Variants in SMAD2 observed in about 807,000 individuals in gnomAD.
SMAD2 encodes MAD homolog 2.
SMAD2 carries 8 observed loss-of-function variants against 64.4 expected under a neutral mutation model. The observed-to-expected ratio is 0.12, with a 90% CI of 0.07 to 0.22. The LOEUF (loss-of-function observed/expected upper bound fraction) is 0.22, where lower values mean the gene tolerates loss of function less well. Ranked by LOEUF, SMAD2 falls within the 10% of genes least tolerant of loss-of-function variation. SMAD2 has a pLI of 1.00. For missense variants in SMAD2, 289 were observed against 561.2 expected (o/e 0.51, Z 4.90); for synonymous variants, 203 against 195.8 (o/e 1.04, Z -0.31).
chr18:47,851,877 A>T (rs1043362979), intron 6 of SMAD2, among the ~76,000 whole-genome samples: 1 of 152,168 alleles, frequency 6.6e-6, no homozygotes, highest in Non-Finnish European at 1.5e-5. Context: ...CACGCTTCCA[A>T]TCACATCTGA....
intron 1 of SMAD2, among the ~76,000 whole-genome samples, chr18:47,899,119 T>C (rs1349479822): frequency 2.6e-5 from 4 of 152,060 alleles, no homozygotes; most frequent in Admixed American, 6.6e-5. Context: ...ATTAGGGACA[T>C]AGAAGGAACA....
chr18:47,896,555 G>C lies in SMAD2; in HGVS notation c.202C>G (p.Gln68Glu). The change falls in exon 2 of 11, where the codon CAA becomes GAA. Residue 68 changes from glutamine to glutamate, a missense_variant. Gln to Glu is a conservative substitution (Grantham distance 29). Transcript: ENST00000262160. The part of the protein sequence containing the change: ...LDELEKAITT[Q>E]NCNTKCVTIP... ...GTAACACATTTAGTATTACAGTTTT[G>C]AGTGGTGATGGCTTTCTCAAGCTCA... 6.2e-7 allele frequency: 1 copy of C among 1,614,112 alleles called. No individual in the cohort carries two copies. The highest frequency in any genetic ancestry group is 8.5e-7 in the Non-Finnish European group (1 of 1,180,010).
Position 47,821,987 on chromosome 18 carries a change from CT to C in SMAD2, c.*19839del, listed in dbSNP as rs1912590049. On this transcript the variant is annotated 3_prime_UTR_variant, in exon 11 of 11. Transcript: ENST00000262160. The stretch of plus-strand genomic sequence containing the variant: ...ACCTTTGAGTTTTCCACTTGGGCCT[CT>C]GGAAAGCCTCAGAGCATGTGTATGC... 1.3e-5 allele frequency: 2 copies of C among 152,296 alleles called. No homozygotes were observed. The highest frequency in any genetic ancestry group is 1.5e-5 in the Non-Finnish European group (1 of 68,026). The allele number at this position is 152,296 out of a possible 1,614,324, so 9.4% of individuals were successfully genotyped here.
At chr18:47,892,754 C>T (rs2033257717) in intron 2 of SMAD2, among the ~76,000 whole-genome samples, 1 of 152,088 alleles carries the variant, frequency 6.6e-6, no homozygotes, top group Non-Finnish European at 1.5e-5. Context: ...AAACAAACAT[C>T]AGGAATCTTT....
At chr18:47,925,466 A>G (rs1010011439) in intron 1 of SMAD2, among the ~76,000 whole-genome samples, 3 of 152,226 alleles carry the variant, frequency 2.0e-5, no homozygotes, top group African/African-American at 7.2e-5. Flanking sequence ...ATTTCTGGCT[A>G]TCTGACCAAA....
intron 1 of SMAD2, 91 bp from the exon 2 acceptor site, chr18:47,896,900 G>A: frequency 8.2e-7 from 1 of 1,221,092 alleles, no homozygotes; most frequent in Non-Finnish European, 1.2e-6. Flanking sequence ...TGCAAAGCAA[G>A]ATAGAAATTC....
chr18:47,851,009 T>C (rs1276716918), intron 7 of SMAD2, among the ~76,000 whole-genome samples: 1 of 148,450 alleles, frequency 6.7e-6, no homozygotes, highest in Non-Finnish European at 1.5e-5. Flanking sequence ...TAACAGGTTA[T>C]ATAATTTTCT....
At chr18:47,859,631 C>G (rs2031007474) in intron 6 of SMAD2, among the ~76,000 whole-genome samples, 2 of 151,990 alleles carry the variant, frequency 1.3e-5, no homozygotes, top group Non-Finnish European at 2.9e-5. Flanking sequence ...TAATATAGAG[C>G]TAACATAAAG....
chr18:47,913,899 T>C lies in SMAD2; in HGVS notation c.-54+16462A>G, dbSNP rs1019009579. On this transcript the variant is annotated intron_variant, in intron 1 of 10. Coordinates refer to ENST00000262160, the MANE Select transcript of SMAD2 (RefSeq NM_005901.6). ...ATTCCAGCAATAAGTGATACTTACA[T>C]AATGCAGATTTCAAAAGAACACAAA... is the stretch of plus-strand genomic sequence containing the variant. Among the ~76,000 whole-genome samples, 5 of 152,202 alleles carry C rather than the reference T, an allele frequency of 3.3e-5. No homozygotes were observed. The East Asian group carries it at 7.7e-4, about 23-fold the overall frequency.
chr18:47,917,940 T>C (rs1598894030), intron 1 of SMAD2, among the ~76,000 whole-genome samples: 1 of 151,900 alleles, frequency 6.6e-6, no homozygotes, highest in African/African-American at 2.4e-5. Context: ...GGCTGGAAAA[T>C]GGGTGAGCAG....
At position 47,809,203 on chromosome 18, in the gene SMAD2, A is replaced by G. The variant is rs1333118211; in HGVS notation, c.*32624T>C. On this transcript the variant is annotated 3_prime_UTR_variant, in exon 11 of 11. Coordinates refer to ENST00000262160, the MANE Select transcript of SMAD2 (RefSeq NM_005901.6). Reference sequence around the variant, plus strand: ...GGAGACGTTCTGTGCCGTTACGGAAAGAGGCAGTCCCTGTACTTGGGGGTC... The same window carrying G: ...GGAGACGTTCTGTGCCGTTACGGAAGGAGGCAGTCCCTGTACTTGGGGGTC... The G allele has an allele frequency of 2.0e-5, 3 of 152,340 alleles. No homozygotes were observed. Among genetic ancestry groups the G allele is most frequent in the Non-Finnish European group, 4.4e-5 (3 of 68,116 alleles). The allele number at this position is 152,340 out of a possible 1,614,324, so 9.4% of individuals were successfully genotyped here. A position where few individuals can be genotyped will look rare whatever the true frequency, so the allele number is the denominator to read the frequency against.
In SMAD2 at chr18:47,868,320, T is replaced by C; in HGVS notation, c.655+3A>G. 2 of 1,612,648 alleles carry C rather than the reference T, an allele frequency of 1.2e-6. No homozygotes were observed. Among genetic ancestry groups the C allele is most frequent in the Admixed American group, 3.3e-5 (2 of 59,992 alleles). ...TTTTAGGAGATTCAGAAGGCAAAAA[T>C]ACCTGGAATATAATTACTCTGTGGC... On this transcript the variant is annotated splice_donor_region_variant and intron_variant, in intron 5 of 10. Transcript: ENST00000262160.
At chr18:47,874,111 T>C (rs188091410) in intron 2 of SMAD2, among the ~76,000 whole-genome samples, 51 of 152,326 alleles carry the variant, frequency 3.3e-4, no homozygotes, top group Admixed American at 2.5e-3. Flanking sequence ...TCTGACCTAA[T>C]TCCCTAATGA....
intron 2 of SMAD2, among the ~76,000 whole-genome samples, chr18:47,885,948 C>A (rs912221746): frequency 2.2e-4 from 34 of 152,156 alleles, no homozygotes; most frequent in African/African-American, 7.5e-4. Context: ...GACGACAGAG[C>A]CAGACGCTGT....
At chr18:47,897,946 A>C (rs912640706) in intron 1 of SMAD2, among the ~76,000 whole-genome samples, 8 of 152,248 alleles carry the variant, frequency 5.3e-5, no homozygotes, top group African/African-American at 1.9e-4. Context: ...TAGAAAGTAA[A>C]GAGGTCTGTA....
At chr18:47,920,262 C>T (rs1166389714) in intron 1 of SMAD2, 2 of 152,198 alleles carry the variant, frequency 1.3e-5, no homozygotes, top group East Asian at 3.8e-4. Context: ...CTCAATATCT[C>T]CCAAAGATCC....
At chr18:47,881,060 T>C (rs28769310) in intron 2 of SMAD2, among the ~76,000 whole-genome samples, 2,276 of 148,728 alleles carry the variant, frequency 0.015, 64 homozygotes, top group African/African-American at 0.053. Flanking sequence ...CCCTGCACAC[T>C]TTGCATGGAC....
chr18:47,856,066 G>C lies in SMAD2; in HGVS notation c.731-4739C>G, dbSNP rs140381698. Among the ~76,000 whole-genome samples, 57 of 152,012 alleles carry C rather than the reference G, an allele frequency of 3.7e-4. No homozygotes were observed. The East Asian group carries it at 9.3e-3, about 25-fold the overall frequency. ...GGGAGATCCTACCACTTTTGGCATG[G>C]ATGAATCTGGAAGACATTATGCCAA... On this transcript the variant is annotated intron_variant, in intron 6 of 10. Coordinates refer to ENST00000262160, the MANE Select transcript of SMAD2 (RefSeq NM_005901.6).
At chr18:47,887,983 C>G (rs924307507) in intron 2 of SMAD2, among the ~76,000 whole-genome samples, 4 of 152,176 alleles carry the variant, frequency 2.6e-5, no homozygotes, top group Non-Finnish European at 4.4e-5. Flanking sequence ...ATGCTTGACT[C>G]AGGGTGTCTT....
Sources: gnomAD v4.1 joint callset for allele counts (sites outside exome capture counted in the v4.1 genomes callset) on GRCh38, gnomAD v4.1.1 for gene constraint, MANE v1.5 for transcripts, NCBI Gene and HGNC (gene_info 2026-07-23, HGNC 2026-07-21) for gene names.